Variants in VIPR2 observed in about 807,000 individuals in gnomAD.
VIPR2 encodes the protein vasoactive intestinal peptide receptor 2.
VIPR2 carries 48 observed loss-of-function variants against 58.0 expected under a neutral mutation model. The observed-to-expected ratio is 0.83, with a 90% CI of 0.66 to 1.05. The LOEUF (loss-of-function observed/expected upper bound fraction) is 1.05, where lower values mean the gene tolerates loss of function less well. VIPR2 is among the 50% of genes least tolerant of loss of function. VIPR2 has a pLI of 0.00. For synonymous variants in VIPR2, 243 were observed against 235.2 expected (o/e 1.03, Z -0.30); for missense variants, 534 against 558.0 (o/e 0.96, Z 0.43).
intron 2 of VIPR2, among the ~76,000 whole-genome samples, chr7:159,138,804 T>C (rs899022239): frequency 3.9e-5 from 6 of 152,362 alleles, no homozygotes; most frequent in African/African-American, 1.4e-4. Context: ...TTTCCCATTA[T>C]ATACATTTTT....
At chr7:159,141,895 A>T (rs751006554) in intron 2 of VIPR2, among the ~76,000 whole-genome samples, 7 of 152,228 alleles carry the variant, frequency 4.6e-5, no homozygotes, top group African/African-American at 1.7e-4. Context: ...CAGAGTCTAT[A>T]AACAGGTTGA....
At chr7:159,108,068 C>T (rs1795839732) in intron 3 of VIPR2, among the ~76,000 whole-genome samples, 1 of 152,238 alleles carries the variant, frequency 6.6e-6, no homozygotes, top group South Asian at 2.1e-4. Flanking sequence ...GCTCTCCTTA[C>T]AGGTCATGGG....
Position 159,096,378 on chromosome 7 carries a change from C to T in VIPR2, c.357+7379G>A, listed in dbSNP as rs534105769. Among the ~76,000 whole-genome samples the T allele has an allele frequency of 4.8e-4, 73 of 152,312 alleles. No individual in the cohort carries two copies. The highest frequency in any genetic ancestry group is 1.6e-3 in the African/African-American group (66 of 41,574). ...CCATGCCCAGAAGCGCCTGGCGCAC[C>T]GCTGTGTTTCCTACAGGTCCGCTGC... On this transcript the variant is annotated intron_variant, in intron 4 of 12. Transcript: ENST00000262178. The surrounding 1 kb of genome is among the most constrained non-coding windows in gnomAD (Gnocchi z 5.5).
At chr7:159,140,503 G>A (rs535426645) in intron 2 of VIPR2, among the ~76,000 whole-genome samples, 2 of 152,328 alleles carry the variant, frequency 1.3e-5, no homozygotes, top group South Asian at 4.1e-4. Flanking sequence ...TCTCCTGAAG[G>A]GCAGTGTCTT....
intron 4 of VIPR2, among the ~76,000 whole-genome samples, chr7:159,075,943 AG>A (rs1856618259): frequency 6.6e-6 from 1 of 152,262 alleles, no homozygotes; most frequent in Non-Finnish European, 1.5e-5. Flanking sequence ...GTGGAAGTCC[AG>A]GGTAAGTCTC....
chr7:159,110,829 T>A (rs1340205467), intron 2 of VIPR2, among the ~76,000 whole-genome samples: 1 of 152,240 alleles, frequency 6.6e-6, no homozygotes, highest in Non-Finnish European at 1.5e-5. Flanking sequence ...AGGAGTGTTT[T>A]ACTTTCAAGA....
chr7:159,101,117 G>A (rs531364083), intron 4 of VIPR2, among the ~76,000 whole-genome samples: 1,483 of 105,980 alleles, frequency 0.014, 11 homozygotes, highest in Non-Finnish European at 0.021. Flanking sequence ...AGGCGGTTCC[G>A]ACTGTTCCTG....
chr7:159,104,299 C>T (rs1858492428), intron 3 of VIPR2, among the ~76,000 whole-genome samples: 1 of 150,982 alleles, frequency 6.6e-6, no homozygotes, highest in South Asian at 2.1e-4. Context: ...GGTACCCCGC[C>T]TGCTCCAGTT....
intron 2 of VIPR2, among the ~76,000 whole-genome samples, chr7:159,139,934 A>C (rs1797394770): frequency 6.6e-6 from 1 of 152,250 alleles, no homozygotes; most frequent in African/African-American, 2.4e-5. Flanking sequence ...TGCCTCATAC[A>C]CATATCGGCA....
chr7:159,106,606 C>T lies in VIPR2; in HGVS notation c.260-2752G>A, dbSNP rs528593910. 2.2e-3 allele frequency among the ~76,000 whole-genome samples: 225 copies of T among 104,448 alleles called. 2 individuals are homozygous for T. Among genetic ancestry groups the T allele is most frequent in the Non-Finnish European group, 3.8e-4 (21 of 54,860 alleles). The allele number at this position is 104,448 out of a possible 152,430, so 68.5% of individuals were successfully genotyped here. A position where few individuals can be genotyped will look rare whatever the true frequency, so the allele number is the denominator to read the frequency against. ...GGGGCACAGAGAGGCCAGGTAGGTG[C>T]TGAGAGAGGCCGGGAAGGGGCAGAA... On this transcript the variant is annotated intron_variant, in intron 3 of 12. Coordinates refer to ENST00000262178, the MANE Select transcript of VIPR2 (RefSeq NM_003382.5).
chr7:159,113,424 C>T (rs1323532041), intron 2 of VIPR2, among the ~76,000 whole-genome samples: 2 of 152,212 alleles, frequency 1.3e-5, no homozygotes, highest in African/African-American at 2.4e-5. Flanking sequence ...AAATTGTGCA[C>T]CTGACAAGCT....
Position 159,031,744 on chromosome 7 carries a change from G to A in VIPR2, c.1143+84C>T. ...TCGAGCCCGCGGAAGACAGGCATGT[G>A]TGGGGGCTGCGGCACCAGGCTGGGC... On this transcript the variant is annotated intron_variant, in intron 12 of 12. Coordinates refer to ENST00000262178, the MANE Select transcript of VIPR2 (RefSeq NM_003382.5). This position sits in a 1 kb window ranked among gnomAD's most constrained non-coding sequence, Gnocchi z 4.0. The A allele has an allele frequency of 6.2e-7, 1 of 1,608,762 alleles. No individual in the cohort carries two copies. Among genetic ancestry groups the A allele is most frequent in the Non-Finnish European group, 8.5e-7 (1 of 1,178,874 alleles).
intron 2 of VIPR2, among the ~76,000 whole-genome samples, chr7:159,131,571 T>C (rs2129497498): frequency 6.6e-6 from 1 of 152,318 alleles, no homozygotes; most frequent in East Asian, 1.9e-4. Flanking sequence ...CCACAGGACT[T>C]TGCTGCTTTA....
At chr7:159,059,360 A>G (rs992823564) in intron 4 of VIPR2, 4 of 471,256 alleles carry the variant, frequency 8.5e-6, no homozygotes, top group Non-Finnish European at 1.8e-5. Flanking sequence ...GCTAATTCCT[A>G]TAAAATAAAG....
At chr7:159,051,374 A>G (rs933182881) in intron 5 of VIPR2, among the ~76,000 whole-genome samples, 4 of 152,224 alleles carry the variant, frequency 2.6e-5, no homozygotes, top group Non-Finnish European at 4.4e-5. Context: ...AAGGATGCCT[A>G]TTGTGAATCT....
chr7:159,070,298 G>A (rs1281864981), intron 4 of VIPR2, among the ~76,000 whole-genome samples: 1 of 152,160 alleles, frequency 6.6e-6, no homozygotes, highest in East Asian at 1.9e-4. Context: ...ACACGACCCA[G>A]GGCCCGGTGC....
chr7:159,092,650 C>CTT (rs60400731), intron 4 of VIPR2, among the ~76,000 whole-genome samples: 11 of 133,672 alleles, frequency 8.2e-5, no homozygotes, highest in South Asian at 2.4e-4. Flanking sequence ...CTTTTCTTTT[C>CTT]TTTTTTTTTT....
At chr7:159,108,298 T>C (rs139119485) in intron 3 of VIPR2, among the ~76,000 whole-genome samples, 39 of 152,356 alleles carry the variant, frequency 2.6e-4, no homozygotes, top group African/African-American at 8.7e-4. Flanking sequence ...GGATGCCCAT[T>C]TAATGCCCCA....
chr7:159,054,484 G>A (rs1475363039), intron 5 of VIPR2, among the ~76,000 whole-genome samples: 1 of 152,060 alleles, frequency 6.6e-6, no homozygotes, highest in African/African-American at 2.4e-5. Flanking sequence ...TTAAATAGAG[G>A]GAGAGACCAA....
Sources: gnomAD v4.1 joint callset for allele counts (sites outside exome capture counted in the v4.1 genomes callset) on GRCh38, gnomAD v4.1.1 for gene constraint, Gnocchi (gnomAD v3.1) non-coding constraint, MANE v1.5 for transcripts, NCBI Gene and HGNC (gene_info 2026-07-23, HGNC 2026-07-21) for gene names.